DLGAP2: variants seen among roughly 807,000 people sequenced by gnomAD.
The protein encoded by DLGAP2 is DLG associated protein 2.
In DLGAP2, 26 loss-of-function variants were observed where a neutral mutation model predicts 100.3. The observed-to-expected ratio is 0.26, with a 90% CI of 0.19 to 0.36. The LOEUF is 0.36. Ranked by LOEUF, DLGAP2 falls within the 10% of genes least tolerant of loss-of-function variation. The pLI, the probability that DLGAP2 is intolerant of heterozygous loss-of-function variation, is 1.00. For missense variants in DLGAP2, 1,858 were observed against 1,453.2 expected (o/e 1.28, Z -4.53); for synonymous variants, 886 against 630.1 (o/e 1.41, Z -6.08).
intron 6 of DLGAP2, among the ~76,000 whole-genome samples, chr8:1,592,651 A>G (rs1441919307): frequency 2.6e-5 from 4 of 152,154 alleles, no homozygotes; most frequent in Non-Finnish European, 5.9e-5. Flanking sequence ...CCATTGGGAG[A>G]ATTCTCCGTG....
At chr8:1,147,903 T>A (rs145551426) in intron 2 of DLGAP2, among the ~76,000 whole-genome samples, 97 of 152,380 alleles carry the variant, frequency 6.4e-4, no homozygotes, top group African/African-American at 2.0e-3. Context: ...ATGTTTTATT[T>A]AGTGTTTTTC....
intron 2 of DLGAP2, among the ~76,000 whole-genome samples, chr8:1,191,057 C>T (rs1362580011): frequency 1.3e-5 from 2 of 152,080 alleles, no homozygotes; most frequent in East Asian, 1.9e-4. Context: ...CCACATCCCA[C>T]GGGGAGAGGC....
chr8:1,691,584 C>T lies in DLGAP2; in HGVS notation c.2754C>T (p.Ser918=), dbSNP rs1008208983. 4.3e-6 allele frequency: 7 copies of T among 1,614,030 alleles called. No homozygotes were observed. The highest frequency in any genetic ancestry group is 2.2e-5 in the South Asian group (2 of 91,064). ...SAVGSAQLLM[S]QKFQQFYWLC... is the part of the protein sequence containing the mutation. Reference sequence around the variant, plus strand: ...TTGGGAGTGCCCAGCTTCTCATGTCCCAGAAATTCCAGCAGTTTTATTGGC... The same window carrying T: ...TTGGGAGTGCCCAGCTTCTCATGTCTCAGAAATTCCAGCAGTTTTATTGGC... The change falls in exon 13 of 15, where the codon TCC becomes TCT. Residue 918 remains serine (S), a synonymous_variant. Coordinates refer to ENST00000637795, the MANE Select transcript of DLGAP2 (RefSeq NM_001346810.2).
At chr8:1,601,945 G>GTGT (rs1554506576) in intron 6 of DLGAP2, among the ~76,000 whole-genome samples, 4 of 146,454 alleles carry the variant, frequency 2.7e-5, no homozygotes, top group African/African-American at 7.6e-5. Context: ...AATTTAACAG[G>GTGT]GTGTGTGTGT....
At chr8:1,640,842 C>G (rs1797881058) in intron 8 of DLGAP2, among the ~76,000 whole-genome samples, 1 of 152,200 alleles carries the variant, frequency 6.6e-6, no homozygotes, top group Non-Finnish European at 1.5e-5. Context: ...AAGATGAAAA[C>G]TAATCTTTGT....
intron 3 of DLGAP2, among the ~76,000 whole-genome samples, chr8:1,283,163 G>A (rs62483898): frequency 5.3e-5 from 7 of 133,192 alleles, no homozygotes; most frequent in East Asian, 2.4e-4. Flanking sequence ...CCATCTGGAC[G>A]TGGTGTGACC....
At chr8:1,129,350 C>A (rs1404104405) in intron 2 of DLGAP2, among the ~76,000 whole-genome samples, 5 of 150,344 alleles carry the variant, frequency 3.3e-5, no homozygotes, top group African/African-American at 9.8e-5. Flanking sequence ...TTGTAGCCAG[C>A]TGAGATTGCG....
At chr8:1,126,078 G>A (rs550449939) in intron 2 of DLGAP2, among the ~76,000 whole-genome samples, 5 of 152,194 alleles carry the variant, frequency 3.3e-5, no homozygotes, top group African/African-American at 7.2e-5. Flanking sequence ...TCGAACACGC[G>A]GGAAATCAAT....
intron 3 of DLGAP2, among the ~76,000 whole-genome samples, chr8:1,341,882 G>T (rs560253924): frequency 2.0e-5 from 3 of 152,176 alleles, no homozygotes; most frequent in Non-Finnish European, 4.4e-5. Flanking sequence ...TGCACTGTGG[G>T]ATTCTAGCCT....
At chr8:1,356,132 G>C (rs557610586) in intron 3 of DLGAP2, among the ~76,000 whole-genome samples, 9 of 152,146 alleles carry the variant, frequency 5.9e-5, no homozygotes, top group African/African-American at 2.2e-4. Flanking sequence ...CGGACGGTTC[G>C]TGTGGACCTC....
chr8:1,248,043 A>C (rs78613421), intron 2 of DLGAP2, among the ~76,000 whole-genome samples: 1 of 2,974 alleles, frequency 3.4e-4, no homozygotes. Context: ...CTGGGAAGAC[A>C]TTTGAGATCA....
chr8:1,349,574 G>T (rs150229379), intron 3 of DLGAP2, among the ~76,000 whole-genome samples: 17,368 of 75,388 alleles, frequency 0.23, 218 homozygotes, highest in East Asian at 0.36. Context: ...AGGAAGGGGT[G>T]TTTGAGGGAG....
chr8:1,305,976 A>C (rs896088060), intron 3 of DLGAP2, among the ~76,000 whole-genome samples: 8 of 151,836 alleles, frequency 5.3e-5, no homozygotes, highest in African/African-American at 1.9e-4. Flanking sequence ...TTTTGCATGT[A>C]ATTTTATATC....
chr8:1,156,734 C>G (rs1796799451), intron 2 of DLGAP2, among the ~76,000 whole-genome samples: 1 of 152,132 alleles, frequency 6.6e-6, no homozygotes, highest in Non-Finnish European at 1.5e-5. Context: ...CACCCCAACT[C>G]AGCACCCCCG....
chr8:761,795 C>T (rs1821090975), intron 1 of DLGAP2, among the ~76,000 whole-genome samples: 1 of 152,194 alleles, frequency 6.6e-6, no homozygotes, highest in Non-Finnish European at 1.5e-5. Flanking sequence ...TGTCCTCACC[C>T]CTCTGTCCCG....
intron 3 of DLGAP2, among the ~76,000 whole-genome samples, chr8:1,424,412 G>T (rs1278269630): frequency 6.6e-6 from 1 of 152,162 alleles, no homozygotes; most frequent in Non-Finnish European, 1.5e-5. Context: ...CATATGGGGT[G>T]GTTGTGATTT....
At chr8:1,196,870 C>G (rs749249712) in intron 2 of DLGAP2, among the ~76,000 whole-genome samples, 3 of 152,106 alleles carry the variant, frequency 2.0e-5, no homozygotes, top group Non-Finnish European at 4.4e-5. Context: ...AGGATATATA[C>G]AGACAGGCAA....
At chr8:1,151,132 A>G (rs926585756) in intron 2 of DLGAP2, among the ~76,000 whole-genome samples, 2 of 152,114 alleles carry the variant, frequency 1.3e-5, no homozygotes, top group African/African-American at 4.8e-5. Context: ...ACTGGCTTCT[A>G]TCTCATGGAT....
chr8:966,482 C>G (rs147507494), intron 2 of DLGAP2, among the ~76,000 whole-genome samples: 226 of 152,290 alleles, frequency 1.5e-3, no homozygotes, highest in African/African-American at 4.8e-3. Flanking sequence ...GTTAGTAACT[C>G]TAAATATATC....
Sources: allele counts gnomAD v4.1 joint callset (sites outside exome capture counted in the v4.1 genomes callset), GRCh38; gene constraint gnomAD v4.1.1; transcripts MANE v1.5; gene names NCBI Gene and HGNC (gene_info 2026-07-23, HGNC 2026-07-21).